The following XIRP2 variants were observed in gnomAD, a reference collection of about 807,000 sequenced individuals.
XIRP2 encodes xin actin binding repeat containing 2.
Under a neutral mutation model 277.0 loss-of-function variants are expected in XIRP2, and 236 were observed. That is an observed-to-expected ratio of 0.85 (90% CI 0.77 to 0.95). XIRP2 has a LOEUF of 0.95. Among genes scored for constraint, XIRP2 ranks in the 40% least tolerant of loss-of-function variants. The probability of loss-of-function intolerance (pLI) is 0.00; values close to 1 mark genes in which losing one functional copy is unlikely to be tolerated. For missense variants in XIRP2, 4,640 were observed against 4,157.5 expected, an observed-to-expected ratio of 1.12 and a Z score of -3.19; for synonymous variants, 1,490 against 1,416.5, an observed-to-expected ratio of 1.05 and a Z score of -1.17.
intron 2 of XIRP2, among the ~76,000 whole-genome samples, chr2:166,914,587 C>G (rs1353563554): frequency 6.6e-6 from 1 of 152,184 alleles, no homozygotes; most frequent in East Asian, 1.9e-4. Flanking sequence ...AGTGATCCAC[C>G]TGCCTCAGCC....
chr2:167,155,937 T>G (rs1274167352), intron 3 of XIRP2, among the ~76,000 whole-genome samples: 1 of 150,156 alleles, frequency 6.7e-6, no homozygotes, highest in Non-Finnish European at 1.5e-5. Flanking sequence ...ATCACAAGCA[T>G]TCTTATACAC....
At chr2:167,067,852 T>A (rs1373515749) in intron 2 of XIRP2, among the ~76,000 whole-genome samples, 1 of 152,052 alleles carries the variant, frequency 6.6e-6, no homozygotes, top group Non-Finnish European at 1.5e-5. Context: ...TGTCTTGGAG[T>A]GTTTTTCCTA....
At chr2:167,081,471 A>C (rs1223924808) in intron 2 of XIRP2, among the ~76,000 whole-genome samples, 4 of 152,172 alleles carry the variant, frequency 2.6e-5, no homozygotes, top group South Asian at 2.1e-4. Context: ...GCCTCTAAAA[A>C]ATTTTTTAAG....
intron 2 of XIRP2, among the ~76,000 whole-genome samples, chr2:167,088,273 T>G (rs1444030220): frequency 6.6e-6 from 1 of 152,140 alleles, no homozygotes; most frequent in Non-Finnish European, 1.5e-5. Context: ...TTTTTCATTA[T>G]CTTTTATCCT....
At chr2:167,105,040 A>T (rs1273051860) in intron 2 of XIRP2, among the ~76,000 whole-genome samples, 1 of 152,056 alleles carries the variant, frequency 6.6e-6, no homozygotes, top group Admixed American at 6.6e-5. Flanking sequence ...TTGAATAGCA[A>T]AACCCACTGG....
At chr2:167,038,124 C>T (rs1688565483) in intron 2 of XIRP2, among the ~76,000 whole-genome samples, 1 of 151,928 alleles carries the variant, frequency 6.6e-6, no homozygotes, top group Non-Finnish European at 1.5e-5. Flanking sequence ...GTGTCAGCTA[C>T]ATAATCTTTG....
intron 2 of XIRP2, among the ~76,000 whole-genome samples, chr2:167,051,891 C>G (rs540721116): frequency 6.6e-6 from 1 of 152,170 alleles, no homozygotes; most frequent in Admixed American, 6.6e-5. Flanking sequence ...AAATATGAAA[C>G]TGAACTTTCA....
intron 2 of XIRP2, among the ~76,000 whole-genome samples, chr2:167,013,707 G>A (rs565856261): frequency 6.6e-6 from 1 of 151,636 alleles, no homozygotes; most frequent in Non-Finnish European, 1.5e-5. Flanking sequence ...ATAGCCTTAG[G>A]ATTTATTTGG....
intron 2 of XIRP2, among the ~76,000 whole-genome samples, chr2:166,995,057 T>A (rs1050319950): frequency 1.3e-5 from 2 of 152,044 alleles, no homozygotes; most frequent in Admixed American, 1.3e-4. Flanking sequence ...AATTTTTGTA[T>A]TTTTAGTAGA....
At chr2:167,145,628 G>T (rs753984763) in intron 3 of XIRP2, among the ~76,000 whole-genome samples, 1 of 152,166 alleles carries the variant, frequency 6.6e-6, no homozygotes, top group Non-Finnish European at 1.5e-5. Flanking sequence ...TGTCAAATTG[G>T]AGTCAAACTT....
At chr2:167,088,072 C>G (rs558855243) in intron 2 of XIRP2, among the ~76,000 whole-genome samples, 2 of 152,102 alleles carry the variant, frequency 1.3e-5, no homozygotes, top group African/African-American at 4.8e-5. Context: ...TTTCTGGCAA[C>G]AGCTATCTTA....
intron 1 of XIRP2, among the ~76,000 whole-genome samples, chr2:166,893,219 A>T (rs1684153675): frequency 6.6e-6 from 1 of 152,092 alleles, no homozygotes; most frequent in Non-Finnish European, 1.5e-5. Flanking sequence ...ATATTCCAGA[A>T]AAATCCATAA....
chr2:167,228,558 GA>G (rs1042500844), intron 5 of XIRP2, among the ~76,000 whole-genome samples: 4 of 151,858 alleles, frequency 2.6e-5, no homozygotes, highest in Non-Finnish European at 5.9e-5. Context: ...TTACTTTGCT[GA>G]AAAAAAACTA....
At chr2:166,921,000 T>C (rs1574079766) in intron 2 of XIRP2, among the ~76,000 whole-genome samples, 1 of 152,164 alleles carries the variant, frequency 6.6e-6, no homozygotes, top group African/African-American at 2.4e-5. Context: ...CAAGTAACTT[T>C]ATGCAAAATA....
At chr2:167,202,681 G>A (rs1220824766) in intron 3 of XIRP2, among the ~76,000 whole-genome samples, 7 of 152,142 alleles carry the variant, frequency 4.6e-5, no homozygotes, top group Admixed American at 3.9e-4. Context: ...TTTGTGACTT[G>A]GACAGACACA....
chr2:166,998,957 T>C (rs1687295055), intron 2 of XIRP2, among the ~76,000 whole-genome samples: 2 of 152,160 alleles, frequency 1.3e-5, no homozygotes, highest in Admixed American at 6.5e-5. Context: ...ACTTAAAATA[T>C]TAAGGTAATT....
chr2:166,972,570 T>C (rs1389057860), intron 2 of XIRP2, among the ~76,000 whole-genome samples: 2 of 152,160 alleles, frequency 1.3e-5, no homozygotes, highest in African/African-American at 2.4e-5. Flanking sequence ...TAAAGCACAG[T>C]TCATATTCTG....
At chr2:166,932,550 A>AATATATTTTTT (rs1355509813) in intron 2 of XIRP2, among the ~76,000 whole-genome samples, 11 of 152,070 alleles carry the variant, frequency 7.2e-5, no homozygotes, top group Admixed American at 6.6e-4. Context: ...GCTCATCAGA[A>AATATATTTTTT]GTGTTTTGTT....
At chr2:167,232,504 A>G (rs1436416717) in intron 5 of XIRP2, among the ~76,000 whole-genome samples, 1 of 151,916 alleles carries the variant, frequency 6.6e-6, no homozygotes, top group African/African-American at 2.4e-5. Context: ...TAATTCTACA[A>G]TGAAATTCTC....
Sources: allele counts gnomAD v4.1 joint callset (sites outside exome capture counted in the v4.1 genomes callset), GRCh38; gene constraint gnomAD v4.1.1; transcripts MANE v1.5; gene names NCBI Gene and HGNC (gene_info 2026-07-23, HGNC 2026-07-21).